Variants in CDH3 observed in about 807,000 individuals in gnomAD.
CDH3 encodes cadherin 3.
CDH3 carries 54 observed loss-of-function variants against 82.0 expected under a neutral mutation model. That is an observed-to-expected ratio of 0.66 (90% confidence interval 0.53 to 0.83). The LOEUF (loss-of-function observed/expected upper bound fraction) is 0.83. Ranked by LOEUF, CDH3 falls within the 40% of genes least tolerant of loss-of-function variation. The pLI, the probability that CDH3 is intolerant of heterozygous loss-of-function variation, is 0.00. For synonymous variants in CDH3, 446 were observed against 437.9 expected, an observed-to-expected ratio of 1.02 and a Z score of -0.23; for missense variants, 1,054 against 1,084.6, an observed-to-expected ratio of 0.97 and a Z score of 0.40.
At chr16:68,727,723 A>T (rs534650689), downstream of CDH3, among the ~76,000 whole-genome samples, 138 of 152,266 alleles carry the variant, frequency 9.1e-4, no homozygotes, top group Admixed American at 1.6e-3. Context: ...AGCCTGGCCA[A>T]CATGGTGAAA....
chr16:68,680,942 G>A, intron 7 of CDH3, 26 bp from the exon 8 acceptor site: 1 of 1,613,670 alleles, frequency 6.2e-7, no homozygotes, highest in Non-Finnish European at 8.5e-7. Context: ...AACTCACAAT[G>A]GGCTTCCCCT....
chr16:68,662,330 C>G (rs1960605929), intron 2 of CDH3, among the ~76,000 whole-genome samples: 3 of 152,134 alleles, frequency 2.0e-5, no homozygotes, highest in South Asian at 2.1e-4. Flanking sequence ...TGGTGACATG[C>G]ACCTTTAGTC....
rs764318240 is a variant in CDH3, at chr16:68,695,366, G to C, written c.2114G>C (p.Gly705Ala). ...RDNVFYYGEEGGGEEDQDYDI... is the reference protein window; with the variant it reads ...RDNVFYYGEEAGGEEDQDYDI... ...AACGTCTTCTACTATGGCGAAGAGG[G>C]GGGTGGCGAAGAGGACCAGGTGGGG... Residue 705 changes from glycine (G) to alanine (A), a missense_variant, in exon 14 of 16, where the codon GGG (glycine) becomes GCG (alanine). Physicochemically the swap from Gly to Ala is moderately conservative, Grantham distance 60. Transcript: ENST00000264012. 8 of 1,612,802 alleles carry C rather than the reference G, an allele frequency of 5.0e-6. No individual in the cohort carries two copies. The Admixed American group carries it at 8.4e-5, about 17-fold the overall frequency.
chr16:68,665,906 C>CG (rs914148762), intron 2 of CDH3, among the ~76,000 whole-genome samples: 126 of 152,118 alleles, frequency 8.3e-4, no homozygotes, highest in African/African-American at 2.8e-3. Flanking sequence ...TTTTTCTAGT[C>CG]GGGGGAAAAA....
Position 68,670,892 on chromosome 16 carries a change from G to A in CDH3, c.161-5493G>A, listed in dbSNP as rs562865575. On this transcript the variant is annotated intron_variant, in intron 2 of 15. Transcript: ENST00000264012. Reference sequence around the variant, plus strand: ...GTTCGAGACCACCCTGGCCAACATGGTGAAACCCTGTCTCTACTAAGAATA... The same window carrying A: ...GTTCGAGACCACCCTGGCCAACATGATGAAACCCTGTCTCTACTAAGAATA... Among the ~76,000 whole-genome samples, 3 of 152,150 alleles carry A rather than the reference G, an allele frequency of 2.0e-5. No homozygotes were observed. In the South Asian group the frequency reaches 6.2e-4, roughly 32 times the overall value.
rs930307865 is a variant in CDH3 at position 68,707,060 on chromosome 16, C to G, written c.99+11137C>G. Among the ~76,000 whole-genome samples the G allele has an allele frequency of 6.6e-6, 1 of 152,174 alleles. No individual in the cohort carries two copies. On this transcript the variant is annotated intron_variant, in intron 1 of 2. Coordinates refer to the CDH3 transcript ENST00000569080. This position sits in a 1 kb window ranked among gnomAD's most constrained non-coding sequence, Gnocchi z 4.5. ...AAGGGCCTGGGGGTAGGGCTCAGTT[C>G]TAGGAGCCAGGGAAGGCACTGCTGG...
chr16:68,680,956 C>T lies in CDH3; in HGVS notation c.868-12C>T, dbSNP rs1315273303. 6.2e-7 allele frequency: 1 copy of T among 1,614,044 alleles called. No homozygotes were observed. Among genetic ancestry groups the T allele is most frequent in the Admixed American group, 1.7e-5 (1 of 60,032 alleles). ...AAACTCACAATGGGCTTCCCCTCTCCTTTCTCCCCAGAAAGTCCCTGAGTA... is the reference window on the plus strand; with the variant it reads ...AAACTCACAATGGGCTTCCCCTCTCTTTTCTCCCCAGAAAGTCCCTGAGTA... On this transcript the variant is annotated splice_polypyrimidine_tract_variant and intron_variant, in intron 7 of 15. Coordinates refer to ENST00000264012, the MANE Select transcript of CDH3 (RefSeq NM_001793.6).
At chr16:68,680,752 C>G (rs1170873473) in intron 7 of CDH3, among the ~76,000 whole-genome samples, 1 of 152,124 alleles carries the variant, frequency 6.6e-6, no homozygotes, top group Non-Finnish European at 1.5e-5. Flanking sequence ...TAGGACAGGC[C>G]CAGGAGAACT....
chr16:68,664,383 T>A (rs1189894258), intron 2 of CDH3, among the ~76,000 whole-genome samples: 1 of 152,142 alleles, frequency 6.6e-6, no homozygotes, highest in African/African-American at 2.4e-5. Context: ...CATACCAATT[T>A]ACCTTCTCAT....
chr16:68,649,631 G>T (rs1227732984), intron 2 of CDH3, among the ~76,000 whole-genome samples: 1 of 152,212 alleles, frequency 6.6e-6, no homozygotes, highest in African/African-American at 2.4e-5. Context: ...AGGGCCCCTG[G>T]GTAAGGGGGG....
chr16:68,697,549 C>T (rs1961767529), intron 15 of CDH3, among the ~76,000 whole-genome samples: 1 of 152,098 alleles, frequency 6.6e-6, no homozygotes, highest in Non-Finnish European at 1.5e-5. Context: ...TTGGAATCAC[C>T]TGGGCACCTT....
intron 2 of CDH3, chr16:68,651,294 C>T: frequency 1.8e-6 from 1 of 549,118 alleles, no homozygotes; most frequent in Non-Finnish European, 3.7e-6. Flanking sequence ...AGGGAGCCGT[C>T]ATGCCCATGT....
intron 1 of CDH3, among the ~76,000 whole-genome samples, chr16:68,712,775 G>A (rs553343448): frequency 1.3e-5 from 2 of 151,916 alleles, no homozygotes; most frequent in African/African-American, 4.8e-5. Context: ...TCCGCCTCCC[G>A]GGTTCAAGCA....
chr16:68,671,521 CTTTTT>C (rs34475405), intron 2 of CDH3, among the ~76,000 whole-genome samples: 6 of 122,012 alleles, frequency 4.9e-5, no homozygotes, highest in Admixed American at 1.9e-4. Flanking sequence ...TTCATTTTAC[CTTTTT>C]TTTTTTTTTT....
intron 2 of CDH3, among the ~76,000 whole-genome samples, chr16:68,675,405 G>A (rs1421635213): frequency 1.3e-5 from 2 of 152,182 alleles, no homozygotes; most frequent in Non-Finnish European, 2.9e-5. Flanking sequence ...TCTTGCGTTG[G>A]CCATAAGGAA....
At chr16:68,665,645 C>T (rs1408959244) in intron 2 of CDH3, among the ~76,000 whole-genome samples, 1 of 152,162 alleles carries the variant, frequency 6.6e-6, no homozygotes, top group East Asian at 1.9e-4. Flanking sequence ...ACAGCTGTCT[C>T]AGGTTGATCA....
chr16:68,689,837 GA>G (rs1349288199), intron 12 of CDH3, among the ~76,000 whole-genome samples: 1 of 151,934 alleles, frequency 6.6e-6, no homozygotes, highest in Non-Finnish European at 1.5e-5. Flanking sequence ...ACAACCCGGG[GA>G]GGGGGTGGGG....
At chr16:68,652,987 C>T (rs1448442339) in intron 2 of CDH3, among the ~76,000 whole-genome samples, 1 of 152,110 alleles carries the variant, frequency 6.6e-6, no homozygotes, top group Non-Finnish European at 1.5e-5. Context: ...GTGACCTGTG[C>T]ACCCCTATTT....
intron 2 of CDH3, among the ~76,000 whole-genome samples, chr16:68,658,427 T>C (rs907964358): frequency 6.6e-6 from 1 of 152,118 alleles, no homozygotes; most frequent in Admixed American, 6.6e-5. Context: ...AGGCCCTAAC[T>C]TCCCTGTGCG....
Sources: gnomAD v4.1 joint callset for allele counts (sites outside exome capture counted in the v4.1 genomes callset) on GRCh38, gnomAD v4.1.1 for gene constraint, Gnocchi (gnomAD v3.1) non-coding constraint, MANE v1.5 for transcripts, NCBI Gene and HGNC (gene_info 2026-07-23, HGNC 2026-07-21) for gene names.